PTPN23: variants seen among roughly 807,000 people sequenced by gnomAD.
PTPN23 encodes protein tyrosine phosphatase non-receptor type 23, also known as tyrosine-protein phosphatase non-receptor type 23.
PTPN23 carries 72 observed loss-of-function variants against 156.3 expected under a neutral mutation model. The ratio of observed to expected loss-of-function variants is 0.46; its 90% confidence interval spans 0.38 to 0.56. The LOEUF (loss-of-function observed/expected upper bound fraction) is 0.56. Among genes scored for constraint, PTPN23 ranks in the 20% least tolerant of loss-of-function variants. PTPN23 has a pLI of 0.00. For synonymous variants in PTPN23, 957 were observed against 899.6 expected (o/e 1.06, Z -1.14); for missense variants, 1,974 against 2,171.5 (o/e 0.91, Z 1.81).
chr3:47,406,503 C>T lies in PTPN23; in HGVS notation c.650C>T (p.Ala217Val), dbSNP rs1167621780. 1.2e-6 allele frequency: 2 copies of T among 1,614,020 alleles called. No homozygotes were observed. Among genetic ancestry groups the T allele is most frequent in the Non-Finnish European group, 1.7e-6 (2 of 1,180,008 alleles). ...CAGGTGGTAGATTACTACAAGGAGG[C>T]ATGCCGGGCCTTGGAGAACCCCGAC... ...SAQVVDYYKE[A>V]CRALENPDTA... is the part of the protein sequence containing the mutation. Residue 217 changes from alanine (A) to valine (V), a missense_variant, in exon 8 of 25, where the codon GCA becomes GTA. Physicochemically the swap from Ala to Val is moderately conservative, Grantham distance 64. This residue lies in a region of PTPN23 where 726 missense variants were observed against 929.5 expected (regional missense o/e 0.78). Coordinates refer to ENST00000265562, the MANE Select transcript of PTPN23 (RefSeq NM_015466.4). The surrounding 1 kb of genome is among the most constrained non-coding windows in gnomAD (Gnocchi z 5.8).
At chr3:47,396,027 C>G (rs976441278) in intron 1 of PTPN23, 116 bp from the exon 2 acceptor site, 11 of 725,660 alleles carry the variant, frequency 1.5e-5, no homozygotes, top group Non-Finnish European at 2.3e-5. Context: ...CCAGGAGACA[C>G]GCTTATGGTT....
intron 2 of PTPN23, among the ~76,000 whole-genome samples, chr3:47,400,086 A>G (rs1404422344): frequency 6.6e-6 from 1 of 152,218 alleles, no homozygotes; most frequent in African/African-American, 2.4e-5. Context: ...CTGGGATTAC[A>G]GGCGTGAGTC....
chr3:47,406,427 G>A lies in PTPN23; in HGVS notation c.627+22G>A, dbSNP rs775562768. The A allele has an allele frequency of 6.2e-7, 1 of 1,613,910 alleles. No homozygotes were observed. Among genetic ancestry groups the A allele is most frequent in the Non-Finnish European group, 8.5e-7 (1 of 1,179,990 alleles). On this transcript the variant is annotated intron_variant, in intron 7 of 24. Coordinates refer to ENST00000265562, the MANE Select transcript of PTPN23 (RefSeq NM_015466.4). The surrounding 1 kb of genome is among the most constrained non-coding windows in gnomAD (Gnocchi z 5.8). ...ACAGGTAGGGACGGGGCTGAGGGGA[G>A]GCCTTCACTTTACTGCTGACTCCCC...
intron 2 of PTPN23, among the ~76,000 whole-genome samples, chr3:47,399,430 C>A (rs1704947360): frequency 6.6e-6 from 1 of 152,026 alleles, no homozygotes; most frequent in African/African-American, 2.4e-5. Flanking sequence ...TTCTCAGAAC[C>A]CTCCTCATAA....
intron 3 of PTPN23, 50 bp downstream of exon 3, chr3:47,404,829 G>A: frequency 6.3e-7 from 1 of 1,598,292 alleles, no homozygotes; most frequent in Non-Finnish European, 8.5e-7. Flanking sequence ...TCTGGGTGGT[G>A]GGGGTGCTCC....
In PTPN23 at chr3:47,408,394, G is replaced by C; in HGVS notation, c.1234G>C (p.Asp412His). 2 of 1,614,146 alleles carry C rather than the reference G, an allele frequency of 1.2e-6. No individual in the cohort carries two copies. Among genetic ancestry groups the C allele is most frequent in the Non-Finnish European group, 1.7e-6 (2 of 1,180,012 alleles). ...QLDPETVDNL[D>H]AYSHIPPQLM... ...GGATCCCGAGACGGTGGACAACCTT[G>C]ATGCCTACAGCCACATCCCACCCCA... The change falls in exon 15 of 25, where the codon GAT becomes CAT. Residue 412 changes from aspartate (D) to histidine (H), a missense_variant. Around this residue, in one of 4 missense-constraint regions of PTPN23, gnomAD observed 726 missense variants for 929.5 expected, o/e 0.78. Coordinates refer to ENST00000265562, the MANE Select transcript of PTPN23 (RefSeq NM_015466.4).
In PTPN23 at chr3:47,411,369, C is replaced by T. The variant is rs751180783; in HGVS notation, c.3571C>T (p.Leu1191=). Residue 1191 remains leucine, a synonymous_variant, in exon 20 of 25, where the codon CTG becomes TTG. Coordinates refer to ENST00000265562, the MANE Select transcript of PTPN23 (RefSeq NM_015466.4). The surrounding 1 kb of genome is among the most constrained non-coding windows in gnomAD (Gnocchi z 6.3). ...FRGQLGDVGA[L]DTVWRELQDA... ...GGGTCAGCTGGGGGATGTGGGAGCT[C>T]TGGACACTGTCTGGCGAGAGCTGCA... 3.9e-5 allele frequency: 63 copies of T among 1,612,864 alleles called. No homozygotes were observed. The highest frequency in any genetic ancestry group is 5.2e-5 in the Non-Finnish European group (61 of 1,180,018).
intron 2 of PTPN23, among the ~76,000 whole-genome samples, chr3:47,403,295 T>G (rs919313887): frequency 2.6e-5 from 4 of 151,280 alleles, no homozygotes; most frequent in East Asian, 1.9e-4. Context: ...CTCGTGATCC[T>G]CCCGCCTCGG....
chr3:47,381,737 C>T (rs1559515940), intron 1 of PTPN23, among the ~76,000 whole-genome samples: 1 of 152,186 alleles, frequency 6.6e-6, no homozygotes, highest in South Asian at 2.1e-4. Context: ...GTCTCCCATT[C>T]GGGAGTCTCT....
In PTPN23 at chr3:47,406,233, G is replaced by C; in HGVS notation, c.547-92G>C. On this transcript the variant is annotated intron_variant, in intron 6 of 24. Transcript: ENST00000265562. The surrounding 1 kb of genome is among the most constrained non-coding windows in gnomAD (Gnocchi z 5.8). ...GCTGGGGGAGAGGGCAGTGAAGAGG[G>C]ATCCCTCAGTCTGCCCCTGGGGAAG... 1.3e-6 allele frequency: 2 copies of C among 1,505,802 alleles called. No individual in the cohort carries two copies. Among genetic ancestry groups the C allele is most frequent in the Non-Finnish European group, 1.8e-6 (2 of 1,099,192 alleles). 93.3% of individuals were successfully genotyped at this position (1,505,802 alleles called of 1,614,324 possible).
chr3:47,382,471 G>A lies in PTPN23; in HGVS notation c.84+1291G>A, dbSNP rs564695603. On this transcript the variant is annotated intron_variant, in intron 1 of 24. Coordinates refer to ENST00000265562, the MANE Select transcript of PTPN23 (RefSeq NM_015466.4). ...CAAGTAGCTGGAATTACAGGCATGC[G>A]CCACCATGCCCGGCTAATTTTGTAT... Among the ~76,000 whole-genome samples the A allele has an allele frequency of 2.0e-5, 3 of 151,574 alleles. No homozygotes were observed. The East Asian group carries it at 5.8e-4, about 29-fold the overall frequency.
Position 47,406,106 on chromosome 3 carries a change from G to A in PTPN23, c.546+60G>A. On this transcript the variant is annotated intron_variant, in intron 6 of 24. Transcript: ENST00000265562. The surrounding 1 kb of genome is among the most constrained non-coding windows in gnomAD (Gnocchi z 5.8). ...CCAGGGAAGGGGATGGCCAGGGAGGGGGCAGTTGGGCCTGGATCCTGGACC... is the reference window on the plus strand; with the variant it reads ...CCAGGGAAGGGGATGGCCAGGGAGGAGGCAGTTGGGCCTGGATCCTGGACC... 1 of 1,585,126 alleles carries A rather than the reference G, an allele frequency of 6.3e-7. No individual in the cohort carries two copies. The highest frequency in any genetic ancestry group is 1.1e-5 in the South Asian group (1 of 87,450).
At position 47,397,096 on chromosome 3, in the gene PTPN23, AGT is replaced by A. The variant is rs1311834293; in HGVS notation, c.159+881_159+882del. Among the ~76,000 whole-genome samples the A allele has an allele frequency of 2.6e-5, 4 of 152,260 alleles. No individual in the cohort carries two copies. In the East Asian group the frequency reaches 7.7e-4, roughly 29 times the overall value. On this transcript the variant is annotated intron_variant, in intron 2 of 24. Transcript: ENST00000265562. The stretch of plus-strand genomic sequence containing the variant: ...GCAGGAAAAGGCCAGCCAGTGAAGC[AGT>A]GAGAACACACGGAACATTTATAAGT...
chr3:47,410,210 GCCCAGGGC>G lies in PTPN23; in HGVS notation c.2425_2432del (p.Gly809CysfsTer75), dbSNP rs752707578. 3 of 1,610,782 alleles carry G rather than the reference GCCCAGGGC, an allele frequency of 1.9e-6. No individual in the cohort carries two copies. Among genetic ancestry groups the G allele is most frequent in the African/African-American group, 1.3e-5 (1 of 74,896 alleles). On this transcript the variant is annotated frameshift_variant, in exon 20 of 25. Transcript: ENST00000265562. LOFTEE classifies it high-confidence loss of function. ...ACTCGGGCCCCACCCAGCTGATACA[GCCCAGGGC>G]CCCAGGGCCCCATGCAATGCCCGTA...
Position 47,411,081 on chromosome 3 carries a change from G to A in PTPN23, c.3283G>A (p.Gly1095Ser), listed in dbSNP as rs999812284. 6.3e-7 allele frequency: 1 copy of A among 1,589,156 alleles called. No homozygotes were observed. The highest frequency in any genetic ancestry group is 1.3e-5 in the African/African-American group (1 of 74,570). The change falls in exon 20 of 25, where the codon GGT (glycine) becomes AGT (serine). Residue 1095 changes from glycine to serine, a missense_variant. By Grantham distance (56) the Gly-to-Ser change is moderately conservative (BLOSUM62 0). Transcript: ENST00000265562. The surrounding 1 kb of genome is among the most constrained non-coding windows in gnomAD (Gnocchi z 6.3). Reference protein sequence around the residue: ...VPSPAPSPGPGPVPPRPPAAE... With the variant: ...VPSPAPSPGPSPVPPRPPAAE... ...TTCACCTGCCCCATCTCCAGGGCCT[G>A]GTCCGGTACCCCCTCGCCCCCCAGC...
At chr3:47,408,643 T>C in intron 15 of PTPN23, 133 bp from the exon 16 acceptor site, 1 of 1,414,506 alleles carries the variant, frequency 7.1e-7, no homozygotes, top group Non-Finnish European at 9.6e-7. Context: ...GCATACCTCT[T>C]GCACCCTGCT....
chr3:47,412,601 T>C lies in PTPN23; in HGVS notation c.4405T>C (p.Leu1469=). 1.2e-6 allele frequency: 2 copies of C among 1,613,622 alleles called. No homozygotes were observed. Among genetic ancestry groups the C allele is most frequent in the East Asian group, 2.2e-5 (1 of 44,872 alleles). ...RHGVPPPCKP[L]ASASISQKNH... is the part of the protein sequence containing the mutation. ...TGGTGTGCCTCCTCCATGCAAACCCTTGGCCAGTGCAAGCATCAGCCAGAA... is the reference window on the plus strand; with the variant it reads ...TGGTGTGCCTCCTCCATGCAAACCCCTGGCCAGTGCAAGCATCAGCCAGAA... Residue 1469 remains leucine (L), a synonymous_variant, in exon 24 of 25, where the codon TTG becomes CTG. Transcript: ENST00000265562.
In PTPN23 at chr3:47,407,378, G is replaced by C. The variant is rs373579049; in HGVS notation, c.923+11G>C. 1.1e-4 allele frequency: 174 copies of C among 1,613,710 alleles called. No individual in the cohort carries two copies. The highest frequency in any genetic ancestry group is 1.4e-4 in the Non-Finnish European group (165 of 1,179,834). On this transcript the variant is annotated intron_variant, in intron 11 of 24. Coordinates refer to ENST00000265562, the MANE Select transcript of PTPN23 (RefSeq NM_015466.4). This position sits in a 1 kb window ranked among gnomAD's most constrained non-coding sequence, Gnocchi z 4.0. ...TGTCATTGGGGGAAAGTGAGTCTGT[G>C]GGGGTGGCCCTGGTTCCCTCTTTTT...
chr3:47,409,180 C>T lies in PTPN23; in HGVS notation c.1660C>T (p.Gln554Ter). 1 of 1,614,040 alleles carries T rather than the reference C, an allele frequency of 6.2e-7. No individual in the cohort carries two copies. The highest frequency in any genetic ancestry group is 1.3e-5 in the African/African-American group (1 of 75,060). The stretch of plus-strand genomic sequence containing the variant: ...GCCCACAGAGGACAAGGCCGTGCTG[C>T]AAAACCTAAAGCGCATCCTGGCTAA... ...ALSPEDKAVL[Q>*]NLKRILAKVQ... The change falls in exon 17 of 25, where the codon CAA (glutamine) becomes TAA (stop). Residue 554 changes from glutamine (Q) to a stop codon, truncating the protein, a stop_gained. Transcript: ENST00000265562. LOFTEE classifies it high-confidence loss of function.
Sources: allele counts gnomAD v4.1 joint callset (sites outside exome capture counted in the v4.1 genomes callset), GRCh38; gene constraint gnomAD v4.1.1; regional missense constraint gnomAD v4.1.1; non-coding constraint Gnocchi (gnomAD v3.1); transcripts MANE v1.5; gene names NCBI Gene and HGNC (gene_info 2026-07-23, HGNC 2026-07-21).